TMEM45A: variants seen among roughly 807,000 people sequenced by gnomAD.
TMEM45A encodes the protein DNA polymerase-transactivated protein 4.
A neutral mutation model predicts 32.0 loss-of-function variants in TMEM45A; 25 were observed. The ratio of observed to expected loss-of-function variants is 0.78; its 90% CI spans 0.57 to 1.09. The LOEUF (loss-of-function observed/expected upper bound fraction) is 1.09, where lower values mean the gene tolerates loss of function less well. TMEM45A is among the 50% of genes least tolerant of loss of function. The pLI, the probability that TMEM45A is intolerant of heterozygous loss-of-function variation, is 0.00. For synonymous variants in TMEM45A, 122 were observed against 114.8 expected, an observed-to-expected ratio of 1.06 and a Z score of -0.40; for missense variants, 302 against 325.0, an observed-to-expected ratio of 0.93 and a Z score of 0.54.
At chr3:100,538,370 A>G (rs568527300) in intron 1 of TMEM45A, among the ~76,000 whole-genome samples, 14 of 65,706 alleles carry the variant, frequency 2.1e-4, no homozygotes, top group Non-Finnish European at 5.5e-4. Flanking sequence ...ACACAAAACA[A>G]AACAAACAGA....
intron 1 of TMEM45A, among the ~76,000 whole-genome samples, chr3:100,523,317 G>A (rs971278830): frequency 1.3e-5 from 2 of 152,208 alleles, no homozygotes; most frequent in Admixed American, 6.5e-5. Context: ...CCTTATGACT[G>A]TGTGGTACCA....
chr3:100,516,384 T>C (rs1576264815), intron 1 of TMEM45A, among the ~76,000 whole-genome samples: 1 of 152,090 alleles, frequency 6.6e-6, no homozygotes. Context: ...GTAAAAGAGG[T>C]GGGGTGAATT....
At chr3:100,511,035 T>C (rs1242014773) in intron 1 of TMEM45A, among the ~76,000 whole-genome samples, 2 of 152,156 alleles carry the variant, frequency 1.3e-5, no homozygotes, top group Non-Finnish European at 2.9e-5. Flanking sequence ...TGGAACCAAG[T>C]TGGAAAACAC....
chr3:100,499,025 T>TC (rs1707973277), intron 1 of TMEM45A, among the ~76,000 whole-genome samples: 1 of 152,206 alleles, frequency 6.6e-6, no homozygotes, highest in South Asian at 2.1e-4. Flanking sequence ...TTGTAAATCT[T>TC]TTGCCCATTT....
At chr3:100,538,759 G>T (rs1705791192) in intron 1 of TMEM45A, among the ~76,000 whole-genome samples, 1 of 151,726 alleles carries the variant, frequency 6.6e-6, no homozygotes, top group Non-Finnish European at 1.5e-5. Context: ...TTAACAAAAA[G>T]ATATAAAATT....
chr3:100,555,005 T>C (rs1282731802), intron 1 of TMEM45A, among the ~76,000 whole-genome samples: 1 of 152,198 alleles, frequency 6.6e-6, no homozygotes, highest in Non-Finnish European at 1.5e-5. Flanking sequence ...TCAACAAATG[T>C]GAGTTTTTAT....
Position 100,541,967 on chromosome 3 carries a change from A to G in TMEM45A, c.-3-13242A>G, listed in dbSNP as rs555375753. Among the ~76,000 whole-genome samples the G allele has an allele frequency of 3.6e-4, 41 of 115,206 alleles. No individual in the cohort carries two copies. The South Asian group carries it at 6.9e-3, about 19-fold the overall frequency. The allele number at this position is 115,206 out of a possible 152,430, so 75.6% of individuals were successfully genotyped here. A position where few individuals can be genotyped will look rare whatever the true frequency, so the allele number is the denominator to read the frequency against. The stretch of plus-strand genomic sequence containing the variant: ...TCAAAGATTAGATGACTGTACATGC[A>G]TGTTTTATTTCTGTGTTCTCTATTT... On this transcript the variant is annotated intron_variant, in intron 1 of 5. Coordinates refer to ENST00000323523, the MANE Select transcript of TMEM45A (RefSeq NM_018004.3).
chr3:100,526,267 G>A (rs141222476), intron 1 of TMEM45A, among the ~76,000 whole-genome samples: 83 of 152,270 alleles, frequency 5.5e-4, no homozygotes, highest in Non-Finnish European at 8.8e-4. Context: ...CAATGACACC[G>A]TTTGCAGAGA....
At chr3:100,529,356 A>T (rs1174426482) in intron 1 of TMEM45A, among the ~76,000 whole-genome samples, 1 of 152,212 alleles carries the variant, frequency 6.6e-6, no homozygotes, top group Non-Finnish European at 1.5e-5. Flanking sequence ...AACATTTTAA[A>T]GTGCAAGCTT....
intron 2 of TMEM45A, among the ~76,000 whole-genome samples, chr3:100,556,225 C>T (rs1345449151): frequency 6.6e-6 from 1 of 152,236 alleles, no homozygotes; most frequent in Non-Finnish European, 1.5e-5. Flanking sequence ...CAGTGATCTG[C>T]CTGCCTCGGC....
At chr3:100,528,260 C>T (rs537102539) in intron 1 of TMEM45A, among the ~76,000 whole-genome samples, 8 of 152,276 alleles carry the variant, frequency 5.3e-5, no homozygotes, top group Non-Finnish European at 1.2e-4. Context: ...GGGAACCTTT[C>T]GCATCTCTAA....
Position 100,568,949 on chromosome 3 carries a change from A to G in TMEM45A, c.716A>G (p.Asn239Ser). The G allele has an allele frequency of 6.2e-7, 1 of 1,612,802 alleles. No individual in the cohort carries two copies. The highest frequency in any genetic ancestry group is 8.5e-7 in the Non-Finnish European group (1 of 1,179,136). ...GTAACCATTGTCATCGTTGGAATGA[A>G]TTATGCTTTCATTACCTGGTAAGTT... ...YAVTIVIVGM[N>S]YAFITWLVKS... The change falls in exon 5 of 6, where the codon AAT becomes AGT. Residue 239 changes from asparagine (N) to serine (S), a missense_variant. Physicochemically the swap from Asn to Ser is conservative, Grantham distance 46. Transcript: ENST00000323523.
At chr3:100,563,950 G>A (rs1706379547) in intron 4 of TMEM45A, among the ~76,000 whole-genome samples, 1 of 152,214 alleles carries the variant, frequency 6.6e-6, no homozygotes, top group South Asian at 2.1e-4. Flanking sequence ...CACAGATGTT[G>A]ACACATCTTG....
At chr3:100,519,257 T>G (rs181175816) in intron 1 of TMEM45A, 2 of 411,304 alleles carry the variant, frequency 4.9e-6, no homozygotes, top group Non-Finnish European at 8.8e-6. Flanking sequence ...TGTTAGCTAC[T>G]GAGTGGCACA....
chr3:100,510,883 A>G (rs1300241420), intron 1 of TMEM45A, among the ~76,000 whole-genome samples: 1 of 152,242 alleles, frequency 6.6e-6, no homozygotes, highest in Non-Finnish European at 1.5e-5. Context: ...GCAGTGGAAG[A>G]TGAAATGAAT....
intron 1 of TMEM45A, among the ~76,000 whole-genome samples, chr3:100,525,031 TA>T (rs1371585332): frequency 7.2e-5 from 11 of 151,838 alleles, no homozygotes; most frequent in Middle Eastern, 3.4e-3. Context: ...TTTAAAAAAA[TA>T]AAAAAATTAG....
intron 1 of TMEM45A, among the ~76,000 whole-genome samples, chr3:100,514,989 G>A (rs1308369363): frequency 1.3e-5 from 2 of 150,896 alleles, no homozygotes; most frequent in East Asian, 3.9e-4. Context: ...AGGTGCTGGA[G>A]AGGACGTGGA....
intron 1 of TMEM45A, among the ~76,000 whole-genome samples, chr3:100,499,142 G>A (rs1707975347): frequency 1.3e-5 from 2 of 152,018 alleles, no homozygotes; most frequent in Admixed American, 1.3e-4. Flanking sequence ...CATTCTTCGG[G>A]TTACCTTTCC....
Position 100,544,744 on chromosome 3 carries a change from A to G in TMEM45A, c.-3-10465A>G, listed in dbSNP as rs140774967. ...TATCATAGTTTGTTCATCCATTCAC[A>G]TGTCAATGGGTTATTTCCAGGTTTG... On this transcript the variant is annotated intron_variant, in intron 1 of 5. Coordinates refer to ENST00000323523, the MANE Select transcript of TMEM45A (RefSeq NM_018004.3). Among the ~76,000 whole-genome samples, 516 of 152,306 alleles carry G rather than the reference A, an allele frequency of 3.4e-3. 2 individuals carry two copies. Among genetic ancestry groups the G allele is most frequent in the East Asian group, 0.015 (76 of 5,192 alleles).
Sources: allele counts gnomAD v4.1 joint callset (sites outside exome capture counted in the v4.1 genomes callset), GRCh38; gene constraint gnomAD v4.1.1; transcripts MANE v1.5; gene names NCBI Gene and HGNC (gene_info 2026-07-23, HGNC 2026-07-21).